Variants in NBR1 observed in about 807,000 individuals in gnomAD.
NBR1 encodes next to BRCA1 gene 1 protein.
A neutral mutation model predicts 115.5 loss-of-function variants in NBR1; 59 were observed. The ratio of observed to expected loss-of-function variants is 0.51; its 90% CI spans 0.41 to 0.63. The LOEUF is 0.63. NBR1 is among the 30% of genes least tolerant of loss of function. The pLI, the probability that NBR1 is intolerant of heterozygous loss-of-function variation, is 0.00. For synonymous variants in NBR1, 373 were observed against 414.7 expected, an observed-to-expected ratio of 0.90 and a Z score of 1.22; for missense variants, 1,043 against 1,150.5, an observed-to-expected ratio of 0.91 and a Z score of 1.35.
intron 1 of NBR1, among the ~76,000 whole-genome samples, chr17:43,171,538 A>G (rs562357163): frequency 6.6e-6 from 1 of 152,166 alleles, no homozygotes; most frequent in African/African-American, 2.4e-5. Flanking sequence ...CTACTGATGG[A>G]AGGCCACGAC....
chr17:43,186,121 T>C, intron 5 of NBR1, 129 bp from the exon 6 acceptor site: 1 of 721,954 alleles, frequency 1.4e-6, no homozygotes, highest in South Asian at 2.2e-5. Flanking sequence ...TTGGATTTAA[T>C]AAAGCAAACA....
In NBR1 at chr17:43,180,874, T is replaced by G. The variant is rs1054849765; in HGVS notation, c.207+57T>G. ...TTTAAAAAATATTATTATGGGTTGG[T>G]TTTTTTTCTTTTTTTGAGATGAGGT... On this transcript the variant is annotated intron_variant, in intron 5 of 20. Transcript: ENST00000590996. 1.0e-5 allele frequency: 13 copies of G among 1,291,068 alleles called. No homozygotes were observed. In the East Asian group the frequency reaches 2.0e-4, roughly 20 times the overall value. The allele number at this position is 1,291,068 out of a possible 1,614,324, so 80.0% of individuals were successfully genotyped here.
chr17:43,173,447 G>A (rs939389853), intron 1 of NBR1, among the ~76,000 whole-genome samples: 2 of 151,960 alleles, frequency 1.3e-5, no homozygotes, highest in African/African-American at 4.8e-5. Flanking sequence ...GCCACTACAC[G>A]CAGCTAATTT....
chr17:43,198,663 T>A (rs936136313), intron 16 of NBR1, among the ~76,000 whole-genome samples: 4 of 148,252 alleles, frequency 2.7e-5, no homozygotes, highest in Non-Finnish European at 6.0e-5. Context: ...AAAAAAAAAA[T>A]AATAAAGTGT....
chr17:43,208,945 G>A (rs1232719512), intron 20 of NBR1, among the ~76,000 whole-genome samples: 1 of 152,036 alleles, frequency 6.6e-6, no homozygotes, highest in Non-Finnish European at 1.5e-5. Flanking sequence ...CCAGCCTGGG[G>A]AACAGAGTGA....
chr17:43,183,037 T>A (rs1047472978), intron 5 of NBR1, among the ~76,000 whole-genome samples: 5 of 151,642 alleles, frequency 3.3e-5, no homozygotes, highest in African/African-American at 1.2e-4. Context: ...GTGCTGGGAT[T>A]ACAGGCGTGA....
intron 6 of NBR1, among the ~76,000 whole-genome samples, chr17:43,187,958 C>T (rs932224883): frequency 2.2e-5 from 3 of 137,920 alleles, no homozygotes; most frequent in Non-Finnish European, 4.6e-5. Flanking sequence ...TGGTGCAATC[C>T]GGGCTCACTG....
At chr17:43,184,577 G>T (rs1439216004) in intron 5 of NBR1, among the ~76,000 whole-genome samples, 1 of 151,294 alleles carries the variant, frequency 6.6e-6, no homozygotes, top group Non-Finnish European at 1.5e-5. Flanking sequence ...TGTTGGACAG[G>T]CTGGTCTCGA....
rs913349290 is a variant in NBR1 at position 43,210,169 on chromosome 17, C to T, written c.*95C>T. The stretch of plus-strand genomic sequence containing the variant: ...ATAGAAGCCCTTGCTTATTTTTAAT[C>T]TGATGAATCTGTATAGAGCCCATCG... On this transcript the variant is annotated 3_prime_UTR_variant, in exon 21 of 21. Coordinates refer to ENST00000590996, the MANE Select transcript of NBR1 (RefSeq NM_005899.5). 2.4e-6 allele frequency: 3 copies of T among 1,234,614 alleles called. No homozygotes were observed. Among genetic ancestry groups the T allele is most frequent in the South Asian group, 3.2e-5 (2 of 62,200 alleles). 76.5% of individuals were successfully genotyped at this position (1,234,614 alleles called of 1,614,324 possible).
intron 3 of NBR1, 54 bp from the exon 4 acceptor site, chr17:43,179,340 A>C (rs1404527589): frequency 6.4e-7 from 1 of 1,564,660 alleles, no homozygotes; most frequent in Non-Finnish European, 8.8e-7. Flanking sequence ...AGTAACAGAA[A>C]TGCTCAACTG....
intron 5 of NBR1, among the ~76,000 whole-genome samples, chr17:43,181,021 G>A (rs952239571): frequency 3.9e-5 from 6 of 152,034 alleles, no homozygotes; most frequent in African/African-American, 1.4e-4. Flanking sequence ...ACAGAAACAC[G>A]TCACCACGCC....
At chr17:43,199,984 T>G (rs1252239903) in intron 16 of NBR1, among the ~76,000 whole-genome samples, 183 bp from the exon 17 acceptor site, 3 of 152,190 alleles carry the variant, frequency 2.0e-5, no homozygotes, top group Non-Finnish European at 4.4e-5. Context: ...TTCTATTTTG[T>G]TTTGCATAGT....
chr17:43,178,039 A>G (rs1220235667), intron 3 of NBR1, 41 bp downstream of exon 3: 2 of 1,553,298 alleles, frequency 1.3e-6, no homozygotes, highest in Non-Finnish European at 1.8e-6. Context: ...TGTTCAGAAT[A>G]GGGATCTTAT....
At position 43,211,612 on chromosome 17, in the gene NBR1, G is replaced by C. The variant is rs540447875; in HGVS notation, c.*1538G>C. 88 of 152,400 alleles carry C rather than the reference G, an allele frequency of 5.8e-4. No homozygotes were observed. Among genetic ancestry groups the C allele is most frequent in the African/African-American group, 2.0e-3 (83 of 41,536 alleles). The allele number at this position is 152,400 out of a possible 1,614,324, so 9.4% of individuals were successfully genotyped here. A position where few individuals can be genotyped will look rare whatever the true frequency, so the allele number is the denominator to read the frequency against. On this transcript the variant is annotated 3_prime_UTR_variant, in exon 21 of 21. Coordinates refer to ENST00000590996, the MANE Select transcript of NBR1 (RefSeq NM_005899.5). ...ATAATCGAGGGCCAGGAGGGCCCGG[G>C]TTGCTCTCCTGGTTATGTATGTACT...
chr17:43,197,295 G>A (rs34743495), intron 16 of NBR1, among the ~76,000 whole-genome samples, 189 bp downstream of exon 16: 45,984 of 152,020 alleles, frequency 0.3, 7,527 homozygotes, highest in South Asian at 0.49. Flanking sequence ...CAAGGCAGGC[G>A]GATCACAAGG....
chr17:43,207,042 G>A (rs976596738), intron 20 of NBR1, among the ~76,000 whole-genome samples: 1 of 152,202 alleles, frequency 6.6e-6, no homozygotes, highest in African/African-American at 2.4e-5. Context: ...TCCAGCCTGG[G>A]CAACAAAGCC....
Position 43,209,927 on chromosome 17 carries a change from A to G in NBR1, c.2754A>G (p.Ala918=). 1.9e-6 allele frequency: 3 copies of G among 1,590,608 alleles called. No homozygotes were observed. The highest frequency in any genetic ancestry group is 2.6e-6 in the Non-Finnish European group (3 of 1,168,586). ...CAATAATTTCTGAAGATCAGACAGC[A>G]GCCCTGATGGCCCATCTCTTTGAAA... ...AQPIISEDQT[A]ALMAHLFEMG... is the part of the protein sequence containing the mutation. Residue 918 remains alanine (A), a synonymous_variant, in exon 21 of 21, where the codon GCA becomes GCG. Coordinates refer to ENST00000590996, the MANE Select transcript of NBR1 (RefSeq NM_005899.5).
At chr17:43,199,382 C>CA (rs1464054319) in intron 16 of NBR1, among the ~76,000 whole-genome samples, 23 of 142,792 alleles carry the variant, frequency 1.6e-4, no homozygotes, top group South Asian at 1.3e-3. Flanking sequence ...GCCTGGGTAG[C>CA]TTTTTTTTTT....
intron 20 of NBR1, among the ~76,000 whole-genome samples, chr17:43,204,604 C>G (rs1025532438): frequency 6.6e-6 from 1 of 151,938 alleles, no homozygotes; most frequent in Non-Finnish European, 1.5e-5. Flanking sequence ...ATCACAAGGT[C>G]AGGAGATCGA....
Sources: allele counts gnomAD v4.1 joint callset (sites outside exome capture counted in the v4.1 genomes callset), GRCh38; gene constraint gnomAD v4.1.1; transcripts MANE v1.5; gene names NCBI Gene and HGNC (gene_info 2026-07-23, HGNC 2026-07-21).